Variants in ARSD observed in about 807,000 individuals in gnomAD.
ARSD encodes testis tissue sperm-binding protein Li 39a.
ARSD carries 21 observed loss-of-function variants against 32.6 expected under a neutral mutation model. The observed-to-expected ratio is 0.64, with a 90% confidence interval of 0.46 to 0.93. ARSD has a LOEUF of 0.93. Among genes scored for constraint, ARSD ranks in the 40% least tolerant of loss-of-function variants. The pLI is 0.00. For synonymous variants in ARSD, 224 were observed against 237.4 expected (o/e 0.94, Z 0.52); for missense variants, 454 against 520.9 (o/e 0.87, Z 1.25).
rs765963485 is a variant in ARSD, at chrX:2,922,015, A to G, written c.204T>C (p.Asn68=). ...CYGNNTLRTP[N]IDQLAEEGVR... ...CACCTTCCTCTGCAAGCTGGTCAAT[A>G]TTCGGCGTTCTGAGCAAAGCACACA... Residue 68 remains asparagine (N), a synonymous_variant, in exon 3 of 10, where the codon AAT becomes AAC. Coordinates refer to ENST00000381154, the MANE Select transcript of ARSD (RefSeq NM_001669.4). The G allele has an allele frequency of 2.5e-6, 3 of 1,203,928 alleles. No individual in the cohort carries two copies. In the South Asian group the frequency reaches 5.3e-5, roughly 21 times the overall value.
intron 1 of ARSD, among the ~76,000 whole-genome samples, chrX:2,927,648 A>G (rs746591300): frequency 5.6e-4 from 63 of 112,100 alleles, no homozygotes; most frequent in Non-Finnish European, 1.0e-3. Flanking sequence ...CTTCCCTTTG[A>G]CCTTTTCTAT....
In ARSD at chrX:2,914,497, C is replaced by A. The variant is rs1327236163; in HGVS notation, c.1000+1059G>T. On this transcript the variant is annotated intron_variant, in intron 6 of 9. Coordinates refer to ENST00000381154, the MANE Select transcript of ARSD (RefSeq NM_001669.4). The stretch of plus-strand genomic sequence containing the variant: ...TCAAGCCATCTCCCTGCCTTAGCCT[C>A]CCAAAATGCTGGGATTAAAGGCATG... 26 of 889,147 alleles carry A rather than the reference C, an allele frequency of 2.9e-5. No individual in the cohort carries two copies. In the East Asian group the frequency reaches 1.8e-3, roughly 63 times the overall value. 73.3% of individuals were successfully genotyped at this position (889,147 alleles called of 1,213,427 possible).
rs2088950788 is a variant in ARSD, at chrX:2,915,634, C to G, written c.922G>C (p.Val308Leu). 8.3e-7 allele frequency: 1 copy of G among 1,211,283 alleles called. No homozygotes were observed. Among genetic ancestry groups the G allele is most frequent in the East Asian group, 3.0e-5 (1 of 33,846 alleles). Residue 308 changes from valine (V) to leucine (L), a missense_variant, in exon 6 of 10, where the codon GTG (valine) becomes CTG (leucine). This residue lies in a region of ARSD where 271 missense variants were observed against 301.0 expected (regional missense o/e 0.90). Transcript: ENST00000381154. The stretch of plus-strand genomic sequence containing the variant: ...TTCCCCAGGAATGCACTCGTGGTCA[C>G]AAGGGGAATGTGCACATGCAGCAAA... ...LSLLHVHIPL[V>L]TTSAFLGKSQ...
At chrX:2,911,497 C>A (rs1313618614) in intron 6 of ARSD, among the ~76,000 whole-genome samples, 2 of 107,244 alleles carry the variant, frequency 1.9e-5, no homozygotes, top group African/African-American at 6.8e-5. Flanking sequence ...CGTGAAGCCC[C>A]GTCTCTACTA....
At chrX:2,920,520 G>C in intron 4 of ARSD, 81 bp downstream of exon 4, 3 of 1,172,822 alleles carry the variant, frequency 2.6e-6, no homozygotes, top group Non-Finnish European at 3.5e-6. Flanking sequence ...ACAGGCGTGC[G>C]CCACCACGCC....
chrX:2,923,798 G>A (rs2089054634), intron 2 of ARSD, among the ~76,000 whole-genome samples: 1 of 112,442 alleles, frequency 8.9e-6, no homozygotes, highest in Non-Finnish European at 1.9e-5. Flanking sequence ...TTCGACGTAG[G>A]CGTTTAGGGG....
chrX:2,909,707 T>A, intron 8 of ARSD, 110 bp downstream of exon 8: 1 of 662,936 alleles, frequency 1.5e-6, no homozygotes, highest in Non-Finnish European at 2.1e-6. Flanking sequence ...AAAAAAAGCT[T>A]ATTTATGTAA....
intron 2 of ARSD, among the ~76,000 whole-genome samples, chrX:2,925,227 G>A (rs1420987251): frequency 9.0e-6 from 1 of 111,641 alleles, no homozygotes; most frequent in Non-Finnish European, 1.9e-5. Context: ...AGAGGAGAAG[G>A]CCCCGTGGAG....
At chrX:2,909,737 C>T (rs1569085862) in intron 8 of ARSD, 80 bp downstream of exon 8, 2 of 1,001,300 alleles carry the variant, frequency 2.0e-6, no homozygotes, top group African/African-American at 4.3e-5. Context: ...ACCTGTTCCC[C>T]AAAATCCTAT....
chrX:2,921,501 TTATC>T (rs2089028830), intron 3 of ARSD, among the ~76,000 whole-genome samples: 1 of 111,963 alleles, frequency 8.9e-6, no homozygotes, highest in Non-Finnish European at 1.9e-5. Context: ...CAATCATCCA[TTATC>T]TATCATTATC....
intron 3 of ARSD, 135 bp downstream of exon 3, chrX:2,921,768 C>A: frequency 1.2e-6 from 1 of 812,624 alleles, no homozygotes; most frequent in South Asian, 2.9e-5. Flanking sequence ...TACATAAATA[C>A]AAGGAAGACG....
intron 6 of ARSD, among the ~76,000 whole-genome samples, chrX:2,911,486 C>T (rs2088900693): frequency 9.4e-6 from 1 of 106,935 alleles, no homozygotes; most frequent in Admixed American, 1.0e-4. Context: ...CTGGCTAACA[C>T]CGTGAAGCCC....
chrX:2,927,110 G>C (rs969504409), intron 1 of ARSD, among the ~76,000 whole-genome samples: 2 of 110,771 alleles, frequency 1.8e-5, no homozygotes, highest in African/African-American at 6.6e-5. Flanking sequence ...ACAGGACGGG[G>C]CGTGTCTTGG....
At chrX:2,925,798 T>C (rs1427939047) in intron 1 of ARSD, 33 bp from the exon 2 acceptor site, 1 of 1,199,423 alleles carries the variant, frequency 8.3e-7, no homozygotes, top group African/African-American at 1.8e-5. Flanking sequence ...GAAATGACTA[T>C]CTACAATTTG....
At chrX:2,908,067 T>C (rs1199546634) in intron 9 of ARSD, 1 of 494,127 alleles carries the variant, frequency 2.0e-6, no homozygotes, top group African/African-American at 2.6e-5. Context: ...TATTTATCTA[T>C]CAATCCATCC....
intron 6 of ARSD, chrX:2,913,670 T>A: frequency 1.0e-6 from 1 of 984,076 alleles, no homozygotes; most frequent in South Asian, 2.0e-5. Context: ...TTGTCCGAAC[T>A]TTATTGCTTT....
intron 6 of ARSD, chrX:2,914,825 T>C (rs367896609): frequency 2.2e-5 from 22 of 1,012,579 alleles, no homozygotes; most frequent in Non-Finnish European, 2.7e-5. Flanking sequence ...TTGGGAATAC[T>C]GAAGAAGCAA....
chrX:2,924,958 T>C, intron 2 of ARSD, among the ~76,000 whole-genome samples: 1 of 110,785 alleles, frequency 9.0e-6, no homozygotes, highest in Non-Finnish European at 1.9e-5. Context: ...CTTTTAGTAA[T>C]CCATATCAGA....
intron 4 of ARSD, among the ~76,000 whole-genome samples, chrX:2,919,502 C>T (rs1399154754): frequency 1.8e-5 from 2 of 110,314 alleles, no homozygotes; most frequent in East Asian, 2.9e-4. Context: ...CTTTCCTCTC[C>T]GTGCAGAAAG....
Sources: gnomAD v4.1 joint callset for allele counts (sites outside exome capture counted in the v4.1 genomes callset) on GRCh38, gnomAD v4.1.1 for gene constraint, gnomAD v4.1.1 regional missense constraint, MANE v1.5 for transcripts, NCBI Gene and HGNC (gene_info 2026-07-23, HGNC 2026-07-21) for gene names.